The following ZFHX3 variants were observed in gnomAD, a reference collection of about 807,000 sequenced individuals.
The protein encoded by ZFHX3 is zinc finger homeobox 3, also known as zinc finger homeobox protein 3.
In ZFHX3, 42 loss-of-function variants were observed where a neutral mutation model predicts 279.1. That is an observed-to-expected ratio of 0.15 (90% CI 0.12 to 0.19). The LOEUF (loss-of-function observed/expected upper bound fraction) is 0.19. Ranked by LOEUF, ZFHX3 falls within the 10% of genes least tolerant of loss-of-function variation. The pLI is 1.00. For missense variants in ZFHX3, 4,981 were observed against 4,754.0 expected (o/e 1.05, Z -1.40); for synonymous variants, 2,293 against 1,957.8 (o/e 1.17, Z -4.52).
At chr16:73,264,862 G>C (rs1414684026) in intron 4 of ZFHX3, among the ~76,000 whole-genome samples, 1 of 152,026 alleles carries the variant, frequency 6.6e-6, no homozygotes, top group Non-Finnish European at 1.5e-5. Context: ...ACTTCACTTA[G>C]AGTAATAATC....
chr16:72,804,813 G>C (rs975707303), intron 7 of ZFHX3, among the ~76,000 whole-genome samples: 2 of 152,060 alleles, frequency 1.3e-5, no homozygotes, highest in African/African-American at 4.8e-5. Flanking sequence ...ATGTGGAAGG[G>C]CCAATATAAC....
intron 9 of ZFHX3, chr16:72,790,065 CACCA>C (rs980140143): frequency 1.3e-5 from 2 of 152,460 alleles, no homozygotes; most frequent in African/African-American, 4.8e-5. Context: ...GCAACGCCTT[CACCA>C]ACCCGAGAGC....
At chr16:73,866,402 C>G (rs1962022536) in intron 1 of ZFHX3, among the ~76,000 whole-genome samples, 4 of 151,660 alleles carry the variant, frequency 2.6e-5, no homozygotes, top group Admixed American at 2.6e-4. Context: ...GGGTCTTGAA[C>G]TCTGCCCGCC....
chr16:73,053,821 A>G (rs1353752713), intron 1 of ZFHX3, among the ~76,000 whole-genome samples: 1 of 152,194 alleles, frequency 6.6e-6, no homozygotes, highest in East Asian at 1.9e-4. Flanking sequence ...CCTGCAAAGA[A>G]GCACAATCAA....
intron 3 of ZFHX3, among the ~76,000 whole-genome samples, chr16:73,349,450 G>A (rs2016183255): frequency 6.9e-6 from 1 of 144,736 alleles, no homozygotes; most frequent in Non-Finnish European, 1.5e-5. Context: ...TAGCAGTTGT[G>A]TGAATAAAAG....
intron 2 of ZFHX3, among the ~76,000 whole-genome samples, chr16:73,603,834 C>T (rs868498032): frequency 7.5e-6 from 1 of 133,540 alleles, no homozygotes; most frequent in Non-Finnish European, 1.5e-5. Context: ...AGTGCAGTGG[C>T]GTGGCATGAT....
chr16:73,406,302 G>A (rs2017359414), intron 3 of ZFHX3, among the ~76,000 whole-genome samples: 1 of 152,190 alleles, frequency 6.6e-6, no homozygotes, highest in Admixed American at 6.5e-5. Flanking sequence ...AAATGATGGA[G>A]GCATCACTGC....
chr16:73,327,547 C>T (rs2015716081), intron 3 of ZFHX3, among the ~76,000 whole-genome samples: 1 of 152,206 alleles, frequency 6.6e-6, no homozygotes, highest in Non-Finnish European at 1.5e-5. Context: ...TAACATACTT[C>T]CTTACAAAGG....
At chr16:72,925,236 C>G (rs1477487534) in intron 3 of ZFHX3, among the ~76,000 whole-genome samples, 1 of 152,224 alleles carries the variant, frequency 6.6e-6, no homozygotes, top group East Asian at 1.9e-4. Context: ...CCCCACTTCC[C>G]AGAAGCTGGC....
At chr16:72,910,338 C>G (rs1159387784) in intron 3 of ZFHX3, among the ~76,000 whole-genome samples, 1 of 152,134 alleles carries the variant, frequency 6.6e-6, no homozygotes, top group Admixed American at 6.5e-5. Flanking sequence ...CATTATCATC[C>G]CTGCGTCATG....
chr16:73,139,081 A>G (rs138943357), intron 6 of ZFHX3, among the ~76,000 whole-genome samples: 1 of 152,302 alleles, frequency 6.6e-6, no homozygotes, highest in African/African-American at 2.4e-5. Flanking sequence ...ATTCCGCCTT[A>G]CAGAAATTTA....
At chr16:73,348,853 G>A (rs1169798362) in intron 3 of ZFHX3, among the ~76,000 whole-genome samples, 1 of 152,204 alleles carries the variant, frequency 6.6e-6, no homozygotes, top group East Asian at 1.9e-4. Flanking sequence ...ATTCATTGGA[G>A]GCAAGTCTTA....
chr16:72,848,707 C>T (rs1311511368), intron 4 of ZFHX3, among the ~76,000 whole-genome samples: 1 of 151,392 alleles, frequency 6.6e-6, no homozygotes. Context: ...TGCCCGCCCT[C>T]CTGATCAGAT....
chr16:73,855,408 A>G (rs1412819475), intron 1 of ZFHX3, among the ~76,000 whole-genome samples: 1 of 152,160 alleles, frequency 6.6e-6, no homozygotes, highest in African/African-American at 2.4e-5. Flanking sequence ...TCAGAGAGGA[A>G]GTCAACTTCC....
intron 3 of ZFHX3, among the ~76,000 whole-genome samples, chr16:73,395,585 T>C (rs533422880): frequency 6.6e-6 from 1 of 152,046 alleles, no homozygotes; most frequent in African/African-American, 2.4e-5. Flanking sequence ...GTCCACAGCA[T>C]CTAGAGTTGT....
chr16:72,941,908 ATACT>A (rs1334221645), intron 3 of ZFHX3, among the ~76,000 whole-genome samples: 1 of 152,196 alleles, frequency 6.6e-6, no homozygotes, highest in African/African-American at 2.4e-5. Context: ...TATTAAATAT[ATACT>A]TACTCAATAC....
intron 2 of ZFHX3, among the ~76,000 whole-genome samples, chr16:73,508,110 A>G (rs1335146880): frequency 6.6e-6 from 1 of 152,190 alleles, no homozygotes. Context: ...GCACTCCAGG[A>G]ATATCAAATC....
chr16:72,810,658 A>G (rs2036418072), intron 7 of ZFHX3, among the ~76,000 whole-genome samples: 1 of 152,204 alleles, frequency 6.6e-6, no homozygotes, highest in Non-Finnish European at 1.5e-5. Flanking sequence ...TTGTAGCAAT[A>G]TCATGTTCAA....
chr16:72,854,855 A>G (rs996242600), intron 4 of ZFHX3, among the ~76,000 whole-genome samples: 6 of 147,344 alleles, frequency 4.1e-5, no homozygotes, highest in Middle Eastern at 6.9e-3. Context: ...CGCACTCCCA[A>G]TGCGGCTGGC....
Sources: allele counts gnomAD v4.1 joint callset (sites outside exome capture counted in the v4.1 genomes callset), GRCh38; gene constraint gnomAD v4.1.1; transcripts MANE v1.5; gene names NCBI Gene and HGNC (gene_info 2026-07-23, HGNC 2026-07-21).